CHODL: variants seen among roughly 807,000 people sequenced by gnomAD.
The protein encoded by CHODL is transmembrane protein MT75.
A neutral mutation model predicts 34.5 loss-of-function variants in CHODL; 29 were observed. The ratio of observed to expected loss-of-function variants is 0.84; its 90% CI spans 0.63 to 1.15. CHODL has a LOEUF of 1.15. Ranked by LOEUF, CHODL falls within the 50% of genes most tolerant of loss-of-function variation. The probability of loss-of-function intolerance (pLI) is 0.00; values close to 1 mark genes in which losing one functional copy is unlikely to be tolerated. For synonymous variants in CHODL, 125 were observed against 116.1 expected (o/e 1.08, Z -0.49); for missense variants, 332 against 332.5 (o/e 1.00, Z 0.01).
At chr21:18,070,029 C>CTT (rs1568870121) in intron 2 of CHODL, among the ~76,000 whole-genome samples, 14 of 103,414 alleles carry the variant, frequency 1.4e-4, no homozygotes, top group Non-Finnish European at 2.1e-4. Flanking sequence ...CTTCCCTCCC[C>CTT]CCCCCCACCC....
chr21:17,980,093 T>G (rs1937057785), intron 1 of CHODL, among the ~76,000 whole-genome samples: 1 of 145,908 alleles, frequency 6.9e-6, no homozygotes, highest in Non-Finnish European at 1.5e-5. Context: ...AATTCATCCT[T>G]TTTTTTTTTT....
intron 1 of CHODL, among the ~76,000 whole-genome samples, chr21:17,973,417 CTTT>C (rs3077803): frequency 3.2e-4 from 39 of 123,458 alleles, no homozygotes; most frequent in African/African-American, 7.2e-4. Flanking sequence ...TTCTTTCTTT[CTTT>C]TTTTTTTTTT....
chr21:18,003,091 T>C (rs1375813536), intron 1 of CHODL, among the ~76,000 whole-genome samples: 1 of 144,290 alleles, frequency 6.9e-6, no homozygotes, highest in Non-Finnish European at 1.5e-5. Context: ...GCCACTGCAC[T>C]CCAGCCTGGG....
chr21:18,076,089 A>G (rs1377971329), intron 2 of CHODL, among the ~76,000 whole-genome samples: 1 of 152,036 alleles, frequency 6.6e-6, no homozygotes, highest in Non-Finnish European at 1.5e-5. Context: ...TTGTTATAGT[A>G]GCCTGCATGG....
Position 18,043,182 on chromosome 21 carries a change from C to T in CHODL, c.-45+15211C>T, listed in dbSNP as rs547381652. ...TATAGGGGTGTATTGGCCTAGAATA[C>T]CAGAAAACTCATTGCAGGGCTAGCC... On this transcript the variant is annotated intron_variant, in intron 2 of 6. Coordinates refer to the CHODL transcript ENST00000400127. 3.3e-5 allele frequency among the ~76,000 whole-genome samples: 5 copies of T among 152,000 alleles called. No individual in the cohort carries two copies. The South Asian group carries it at 1.0e-3, about 32-fold the overall frequency.
At chr21:18,056,044 C>T (rs985515748) in intron 2 of CHODL, among the ~76,000 whole-genome samples, 3 of 152,006 alleles carry the variant, frequency 2.0e-5, no homozygotes, top group African/African-American at 7.2e-5. Context: ...GATTTCTTTC[C>T]TGTCTTGAAG....
chr21:17,974,952 T>C (rs967882671), intron 1 of CHODL, among the ~76,000 whole-genome samples: 8 of 148,422 alleles, frequency 5.4e-5, no homozygotes, highest in African/African-American at 2.0e-4. Context: ...AAATTTAAAA[T>C]AATATATATT....
At chr21:18,048,016 A>C (rs2064466063) in intron 2 of CHODL, among the ~76,000 whole-genome samples, 1 of 151,942 alleles carries the variant, frequency 6.6e-6, no homozygotes, top group South Asian at 2.1e-4. Flanking sequence ...TACATTTTCC[A>C]CTTACCCATT....
intron 1 of CHODL, among the ~76,000 whole-genome samples, chr21:17,955,933 C>G (rs1184120268): frequency 7.3e-6 from 1 of 136,440 alleles, no homozygotes; most frequent in African/African-American, 2.5e-5. Context: ...ATATTAAAGC[C>G]CATCTATCTG....
intron 2 of CHODL, among the ~76,000 whole-genome samples, chr21:18,096,782 C>G (rs993642736): frequency 1.3e-5 from 2 of 152,122 alleles, no homozygotes; most frequent in Non-Finnish European, 2.9e-5. Flanking sequence ...CTTTTATTGC[C>G]TTTTGAAGCA....
chr21:17,923,233 A>G (rs2063196169), intron 1 of CHODL, among the ~76,000 whole-genome samples: 1 of 151,026 alleles, frequency 6.6e-6, no homozygotes, highest in Non-Finnish European at 1.5e-5. Flanking sequence ...TCCTTTCACA[A>G]GCTTTTCCAT....
At chr21:18,033,774 A>C (rs1042470116) in intron 2 of CHODL, among the ~76,000 whole-genome samples, 1 of 152,024 alleles carries the variant, frequency 6.6e-6, no homozygotes, top group African/African-American at 2.4e-5. Context: ...TACATGAGGG[A>C]TCATTAAAAT....
At chr21:18,149,782 C>T (rs987767473) in intron 2 of CHODL, among the ~76,000 whole-genome samples, 8 of 152,182 alleles carry the variant, frequency 5.3e-5, no homozygotes, top group Non-Finnish European at 1.2e-4. Flanking sequence ...TGGGATGAGT[C>T]AATGCCTTAG....
chr21:18,017,147 G>A (rs1011321226), intron 1 of CHODL, among the ~76,000 whole-genome samples: 11 of 152,180 alleles, frequency 7.2e-5, no homozygotes, highest in South Asian at 2.1e-4. Flanking sequence ...GGGATTGTTG[G>A]AAAGGCATGA....
At chr21:17,998,444 A>G (rs2063872437) in intron 1 of CHODL, among the ~76,000 whole-genome samples, 1 of 152,174 alleles carries the variant, frequency 6.6e-6, no homozygotes, top group Admixed American at 6.5e-5. Context: ...CAGCTCCATT[A>G]GGTGGTGCCC....
At chr21:18,253,355 A>G (rs2074280377) in intron 1 of CHODL, among the ~76,000 whole-genome samples, 1 of 152,028 alleles carries the variant, frequency 6.6e-6, no homozygotes, top group Non-Finnish European at 1.5e-5. Context: ...CTTGCAAAAC[A>G]ATCTTCTTAG....
chr21:18,201,470 A>G (rs1361771486), intron 2 of CHODL, among the ~76,000 whole-genome samples: 1 of 152,070 alleles, frequency 6.6e-6, no homozygotes, highest in Admixed American at 6.6e-5. Context: ...ATAACAAAAA[A>G]AAAAGACTTC....
At chr21:18,150,644 C>T (rs561786977) in intron 2 of CHODL, among the ~76,000 whole-genome samples, 4 of 152,106 alleles carry the variant, frequency 2.6e-5, no homozygotes, top group Non-Finnish European at 5.9e-5. Flanking sequence ...ACTCCACCTG[C>T]GTGACCTAAT....
At chr21:17,941,069 C>T (rs1354834188) in intron 1 of CHODL, among the ~76,000 whole-genome samples, 1 of 152,158 alleles carries the variant, frequency 6.6e-6, no homozygotes, top group Non-Finnish European at 1.5e-5. Context: ...AGAAAGCCAA[C>T]ATGAATTGCT....
Sources: allele counts gnomAD v4.1 joint callset (sites outside exome capture counted in the v4.1 genomes callset), GRCh38; gene constraint gnomAD v4.1.1; transcripts MANE v1.5; gene names NCBI Gene and HGNC (gene_info 2026-07-23, HGNC 2026-07-21).